The following SPNS3 variants were observed in gnomAD, a reference collection of about 807,000 sequenced individuals.
SPNS3 encodes the protein protein spinster homolog 3.
SPNS3 carries 51 observed loss-of-function variants against 54.4 expected under a neutral mutation model. That is an observed-to-expected ratio of 0.94 (90% CI 0.75 to 1.18). SPNS3 has a LOEUF of 1.18. Among genes scored for constraint, SPNS3 ranks in the 50% most tolerant of loss-of-function variants. The probability of loss-of-function intolerance (pLI) is 0.00; values close to 1 mark genes in which losing one functional copy is unlikely to be tolerated. For missense variants in SPNS3, 669 were observed against 677.4 expected (o/e 0.99, Z 0.14); for synonymous variants, 309 against 294.7 (o/e 1.05, Z -0.50).
At position 4,444,275 on chromosome 17, in the gene SPNS3, C is replaced by T. The variant is rs1970924311; in HGVS notation, c.266-757C>T. ...TGTCGCCCAGGCTGGAGTGCAGTGGCGTGATCCCGGCTCACTGCAACCTCC... is the reference window on the plus strand; with the variant it reads ...TGTCGCCCAGGCTGGAGTGCAGTGGTGTGATCCCGGCTCACTGCAACCTCC... On this transcript the variant is annotated intron_variant, in intron 2 of 11. Coordinates refer to ENST00000355530, the MANE Select transcript of SPNS3 (RefSeq NM_182538.5). 2.6e-5 allele frequency among the ~76,000 whole-genome samples: 4 copies of T among 151,172 alleles called. No individual in the cohort carries two copies. The South Asian group carries it at 8.4e-4, about 32-fold the overall frequency.
At position 4,486,642 on chromosome 17, in the gene SPNS3, C is replaced by T; in HGVS notation, c.1450+59C>T. 6.6e-7 allele frequency: 1 copy of T among 1,520,922 alleles called. No individual in the cohort carries two copies. Among genetic ancestry groups the T allele is most frequent in the Non-Finnish European group, 8.9e-7 (1 of 1,123,580 alleles). 94.2% of individuals were successfully genotyped at this position (1,520,922 alleles called of 1,614,324 possible). A position where few individuals can be genotyped will look rare whatever the true frequency, so the allele number is the denominator to read the frequency against. On this transcript the variant is annotated intron_variant, in intron 11 of 11. Transcript: ENST00000355530. The surrounding 1 kb of genome is among the most constrained non-coding windows in gnomAD (Gnocchi z 5.5). ...GCCGGCACCCTAGGGACAGACAGCA[C>T]TGGCCACCCCCTGAATCCCTGGCCA...
At chr17:4,481,315 T>A (rs896452865) in intron 9 of SPNS3, among the ~76,000 whole-genome samples, 2 of 151,468 alleles carry the variant, frequency 1.3e-5, no homozygotes, top group African/African-American at 4.9e-5. Flanking sequence ...GCAGGAAGTG[T>A]GTGGGGACAG....
At chr17:4,435,803 A>ATGGG (rs1470045158) in intron 1 of SPNS3, among the ~76,000 whole-genome samples, 7 of 151,286 alleles carry the variant, frequency 4.6e-5, no homozygotes, top group South Asian at 4.2e-4. Flanking sequence ...GTGGTGGCTC[A>ATGGG]CGCCTGTAAT....
At chr17:4,473,392 TC>T (rs1343298461) in intron 8 of SPNS3, among the ~76,000 whole-genome samples, 2 of 136,388 alleles carry the variant, frequency 1.5e-5, no homozygotes, top group Non-Finnish European at 3.1e-5. Flanking sequence ...CTCTTCCCAG[TC>T]TTTTTTTTTT....
intron 4 of SPNS3, 71 bp from the exon 5 acceptor site, chr17:4,446,825 C>G (rs545592582): frequency 1.2e-5 from 17 of 1,462,348 alleles, no homozygotes; most frequent in Non-Finnish European, 1.5e-5. Context: ...CACCCTGGGT[C>G]AGGCTGGTGG....
chr17:4,445,311 G>A (rs1970954745), intron 3 of SPNS3, 143 bp downstream of exon 3: 1 of 808,770 alleles, frequency 1.2e-6, no homozygotes, highest in South Asian at 2.1e-5. Flanking sequence ...TGAGGGCTGG[G>A]AGAGAAGGTG....
intron 2 of SPNS3, among the ~76,000 whole-genome samples, chr17:4,441,444 C>A (rs1371744786): frequency 1.3e-5 from 2 of 152,178 alleles, no homozygotes; most frequent in Non-Finnish European, 2.9e-5. Flanking sequence ...TTTCCAATTG[C>A]CCCTCAATCT....
intron 8 of SPNS3, among the ~76,000 whole-genome samples, chr17:4,467,196 T>C (rs930095942): frequency 6.6e-6 from 1 of 151,802 alleles, no homozygotes; most frequent in Non-Finnish European, 1.5e-5. Context: ...TGGAGGGTCT[T>C]GTACATAGAT....
chr17:4,440,156 A>G (rs118055580), intron 2 of SPNS3, among the ~76,000 whole-genome samples: 8,762 of 152,196 alleles, frequency 0.058, 304 homozygotes, highest in Non-Finnish European at 0.08. Flanking sequence ...ACATCCCCCC[A>G]CATGGGCTCA....
At chr17:4,462,855 A>AT (rs1971573267) in intron 8 of SPNS3, among the ~76,000 whole-genome samples, 4 of 13,448 alleles carry the variant, frequency 3.0e-4, no homozygotes, top group African/African-American at 9.2e-4. Flanking sequence ...GCACCCACCC[A>AT]CCCACCCACC....
Position 4,450,350 on chromosome 17 carries a change from C to T in SPNS3, c.923+963C>T, listed in dbSNP as rs1971127615. On this transcript the variant is annotated intron_variant, in intron 7 of 11. Transcript: ENST00000355530. ...CTCCCTCCCTCTCCCTCTCCCTCTC[C>T]CCTCCTCTCTCTCTCTCTCCCTACC... is the stretch of plus-strand genomic sequence containing the variant. Among the ~76,000 whole-genome samples the T allele has an allele frequency of 1.5e-4, 6 of 38,772 alleles. No homozygotes were observed. The South Asian group carries it at 2.2e-3, about 15-fold the overall frequency. The allele number at this position is 38,772 out of a possible 152,430, so 25.4% of individuals were successfully genotyped here. A position where few individuals can be genotyped will look rare whatever the true frequency, so the allele number is the denominator to read the frequency against.
chr17:4,441,914 C>T (rs1970858231), intron 2 of SPNS3, among the ~76,000 whole-genome samples: 1 of 151,240 alleles, frequency 6.6e-6, no homozygotes, highest in Admixed American at 6.6e-5. Flanking sequence ...CACACTGGCC[C>T]TTACCATAGT....
rs943550958 is a variant in SPNS3, at chr17:4,450,722, G to A, written c.923+1335G>A. Among the ~76,000 whole-genome samples, 18 of 150,910 alleles carry A rather than the reference G, an allele frequency of 1.2e-4. No homozygotes were observed. In the South Asian group the frequency reaches 1.3e-3, roughly 11 times the overall value. ...AGTGATTCTCCTACCTCAGCCTCCC[G>A]AGTAGCTAAGATTACAGGCATGTGC... is the stretch of plus-strand genomic sequence containing the variant. On this transcript the variant is annotated intron_variant, in intron 7 of 11. Transcript: ENST00000355530.
intron 8 of SPNS3, among the ~76,000 whole-genome samples, chr17:4,455,585 G>C (rs767839518): frequency 3.3e-5 from 5 of 152,146 alleles, no homozygotes; most frequent in Non-Finnish European, 7.4e-5. Context: ...ATCCTGCAAG[G>C]GGCCCCCTCT....
rs772385832 is a variant in SPNS3 at position 4,434,028 on chromosome 17, T to A, written c.61T>A (p.Ser21Thr). ...TGGGCCAGGAGGTCTGCAGGGCCAG[T>A]CCCCAGGGCCAGGCAGGCAGTGTCC... ...EPGPGGLQGQ[S>T]PGPGRQCPPP... Residue 21 changes from serine to threonine, a missense_variant, in exon 1 of 12, where the codon TCC (serine) becomes ACC (threonine). Transcript: ENST00000355530. The A allele has an allele frequency of 6.2e-6, 10 of 1,605,152 alleles. No homozygotes were observed. The South Asian group carries it at 1.1e-4, about 18-fold the overall frequency.
intron 8 of SPNS3, among the ~76,000 whole-genome samples, chr17:4,461,282 T>G (rs545458388): frequency 1.1e-4 from 16 of 151,872 alleles, no homozygotes; most frequent in African/African-American, 3.9e-4. Context: ...ATCTTGCTGA[T>G]TTTTTCAAAG....
At chr17:4,481,377 C>T (rs1972146801) in intron 9 of SPNS3, among the ~76,000 whole-genome samples, 1 of 151,978 alleles carries the variant, frequency 6.6e-6, no homozygotes, top group Admixed American at 6.6e-5. Context: ...GGCACTGGCT[C>T]CTGAGACAGG....
chr17:4,476,122 T>C (rs372819084), intron 8 of SPNS3, among the ~76,000 whole-genome samples: 3 of 152,214 alleles, frequency 2.0e-5, no homozygotes, highest in East Asian at 1.9e-4. Context: ...CTCCTGGAGC[T>C]GAGTCAGCCC....
chr17:4,463,402 A>C (rs554360583), intron 8 of SPNS3, among the ~76,000 whole-genome samples: 256 of 137,170 alleles, frequency 1.9e-3, no homozygotes, highest in African/African-American at 4.8e-3. Flanking sequence ...GTCTCAAAAA[A>C]AAAAAAAAAC....
Sources: allele counts gnomAD v4.1 joint callset (sites outside exome capture counted in the v4.1 genomes callset), GRCh38; gene constraint gnomAD v4.1.1; non-coding constraint Gnocchi (gnomAD v3.1); transcripts MANE v1.5; gene names NCBI Gene and HGNC (gene_info 2026-07-23, HGNC 2026-07-21).